GPC5: variants seen among roughly 807,000 people sequenced by gnomAD.
The protein encoded by GPC5 is glypican-5.
In GPC5, 47 loss-of-function variants were observed where a neutral mutation model predicts 53.9. That is an observed-to-expected ratio of 0.87 (90% CI 0.69 to 1.11). The LOEUF (loss-of-function observed/expected upper bound fraction) is 1.11, where lower values mean the gene tolerates loss of function less well. GPC5 is among the 50% of genes most tolerant of loss of function. The pLI, the probability that GPC5 is intolerant of heterozygous loss-of-function variation, is 0.00. For synonymous variants in GPC5, 286 were observed against 263.3 expected (o/e 1.09, Z -0.84); for missense variants, 748 against 713.1 (o/e 1.05, Z -0.56).
chr13:91,576,567 G>A (rs2032144948), intron 2 of GPC5, among the ~76,000 whole-genome samples: 1 of 152,118 alleles, frequency 6.6e-6, no homozygotes, highest in Admixed American at 6.6e-5. Context: ...GTTTACAAAG[G>A]TGTTTGCCAA....
chr13:92,659,644 G>A (rs896986697), intron 7 of GPC5, among the ~76,000 whole-genome samples: 1 of 152,096 alleles, frequency 6.6e-6, no homozygotes. Flanking sequence ...AGGGTCAATG[G>A]TGAAAGTTGT....
At chr13:92,329,552 A>T (rs1381249476) in intron 7 of GPC5, among the ~76,000 whole-genome samples, 1 of 152,060 alleles carries the variant, frequency 6.6e-6, no homozygotes, top group Non-Finnish European at 1.5e-5. Context: ...CATCCAAACT[A>T]TGTCCCCTCC....
intron 6 of GPC5, among the ~76,000 whole-genome samples, chr13:92,090,048 A>T (rs745643002): frequency 6.6e-6 from 1 of 152,210 alleles, no homozygotes; most frequent in Non-Finnish European, 1.5e-5. Flanking sequence ...GTGAAAAAGT[A>T]TGTATGGAAG....
rs1300182096 is a variant in GPC5, at chr13:92,768,741, C to T, written c.1562-97541C>T. Among the ~76,000 whole-genome samples, 9 of 151,666 alleles carry T rather than the reference C, an allele frequency of 5.9e-5. No homozygotes were observed. The East Asian group carries it at 1.7e-3, about 29-fold the overall frequency. On this transcript the variant is annotated intron_variant, in intron 7 of 7. Coordinates refer to ENST00000377067, the MANE Select transcript of GPC5 (RefSeq NM_004466.6). ...TCTTCCCCCTGTCTTGCCACTGCTGCTCATAATTCATATTCTCATCACCAG... is the reference window on the plus strand; with the variant it reads ...TCTTCCCCCTGTCTTGCCACTGCTGTTCATAATTCATATTCTCATCACCAG...
In GPC5 at chr13:92,504,755, G is replaced by A. The variant is rs189647950; in HGVS notation, c.1561+359766G>A. On this transcript the variant is annotated intron_variant, in intron 7 of 7. Transcript: ENST00000377067. ...GAAAGGATAGACTTTTCAACAAATGGCTTTGGAGTACTTGGGCAACCACAT... is the reference window on the plus strand; with the variant it reads ...GAAAGGATAGACTTTTCAACAAATGACTTTGGAGTACTTGGGCAACCACAT... 7.2e-5 allele frequency among the ~76,000 whole-genome samples: 11 copies of A among 151,952 alleles called. No homozygotes were observed. In the East Asian group the frequency reaches 2.1e-3, roughly 29 times the overall value.
chr13:92,062,643 TG>T (rs1171905871), intron 6 of GPC5, among the ~76,000 whole-genome samples: 1 of 152,034 alleles, frequency 6.6e-6, no homozygotes, highest in Non-Finnish European at 1.5e-5. Context: ...TGGGTGAATT[TG>T]GTTTTGTAAA....
intron 3 of GPC5, among the ~76,000 whole-genome samples, chr13:91,728,184 A>G: frequency 6.6e-6 from 1 of 152,160 alleles, no homozygotes; most frequent in East Asian, 1.9e-4. Flanking sequence ...TAGGACAAGT[A>G]TGTGATTAGT....
At chr13:92,558,540 G>T (rs1882580072) in intron 7 of GPC5, among the ~76,000 whole-genome samples, 1 of 151,864 alleles carries the variant, frequency 6.6e-6, no homozygotes, top group Admixed American at 6.6e-5. Context: ...TCTCAGTTAG[G>T]GTTATGTTTG....
At chr13:91,415,760 G>A (rs1430174085) in intron 1 of GPC5, among the ~76,000 whole-genome samples, 2 of 142,670 alleles carry the variant, frequency 1.4e-5, no homozygotes, top group African/African-American at 2.5e-5. Flanking sequence ...GGGGGTGGGG[G>A]CTTGTAAGGA....
chr13:92,521,235 C>T (rs541711329), intron 7 of GPC5, among the ~76,000 whole-genome samples: 5 of 152,234 alleles, frequency 3.3e-5, no homozygotes, highest in South Asian at 2.1e-4. Context: ...CCATCCCCAT[C>T]GAGCTACCAA....
intron 6 of GPC5, among the ~76,000 whole-genome samples, chr13:92,139,509 T>C (rs1454679794): frequency 1.3e-5 from 2 of 151,688 alleles, no homozygotes; most frequent in African/African-American, 4.8e-5. Flanking sequence ...CTACTAAAAA[T>C]ACAAAAAATT....
intron 7 of GPC5, among the ~76,000 whole-genome samples, chr13:92,329,203 TA>T (rs1490302882): frequency 6.6e-6 from 1 of 152,146 alleles, no homozygotes; most frequent in Non-Finnish European, 1.5e-5. Flanking sequence ...AAGGCAGGCT[TA>T]CTTGGCTCAT....
chr13:91,615,828 A>G (rs147566565), intron 2 of GPC5, among the ~76,000 whole-genome samples: 15 of 152,276 alleles, frequency 9.9e-5, no homozygotes, highest in Non-Finnish European at 1.9e-4. Flanking sequence ...AACTCATCCT[A>G]ACATGTTCAT....
intron 7 of GPC5, among the ~76,000 whole-genome samples, chr13:92,249,093 A>G (rs1370342327): frequency 6.6e-6 from 1 of 152,106 alleles, no homozygotes; most frequent in Non-Finnish European, 1.5e-5. Flanking sequence ...ATTTTGATAC[A>G]GGCATATGAT....
At chr13:92,619,172 T>A (rs1342335621) in intron 7 of GPC5, among the ~76,000 whole-genome samples, 3 of 151,994 alleles carry the variant, frequency 2.0e-5, no homozygotes, top group Non-Finnish European at 4.4e-5. Flanking sequence ...TTATCATTTA[T>A]GCATGGAGAT....
intron 2 of GPC5, among the ~76,000 whole-genome samples, chr13:91,494,885 C>T (rs1884164193): frequency 6.6e-6 from 1 of 152,182 alleles, no homozygotes; most frequent in African/African-American, 2.4e-5. Context: ...TTCTTCTTTT[C>T]ATCTGTTCTC....
At chr13:92,071,081 C>A (rs2041207450) in intron 6 of GPC5, among the ~76,000 whole-genome samples, 1 of 151,964 alleles carries the variant, frequency 6.6e-6, no homozygotes, top group South Asian at 2.1e-4. Context: ...ACTAAAAATA[C>A]AAAAATTAGC....
chr13:92,800,610 GTTCAGAAAAGAAATAGA>G lies in GPC5; in HGVS notation c.1562-65670_1562-65654del, dbSNP rs1366999540. On this transcript the variant is annotated intron_variant, in intron 7 of 7. Coordinates refer to ENST00000377067, the MANE Select transcript of GPC5 (RefSeq NM_004466.6). ...GCTTTATGAATGAAGATAACAGGTG[GTTCAGAAAAGAAATAGA>G]TACAGCAAAGAATGCTGCAAAGCTA... Among the ~76,000 whole-genome samples the G allele has an allele frequency of 7.9e-5, 12 of 151,838 alleles. No homozygotes were observed. The Admixed American group carries it at 7.9e-4, about 10-fold the overall frequency.
chr13:91,667,237 A>G (rs946674331), intron 2 of GPC5, among the ~76,000 whole-genome samples: 2 of 152,156 alleles, frequency 1.3e-5, no homozygotes, highest in Non-Finnish European at 2.9e-5. Context: ...TGTATCACTT[A>G]TCTTGCATAA....
Sources: allele counts gnomAD v4.1 joint callset (sites outside exome capture counted in the v4.1 genomes callset), GRCh38; gene constraint gnomAD v4.1.1; transcripts MANE v1.5; gene names NCBI Gene and HGNC (gene_info 2026-07-23, HGNC 2026-07-21).